GPHN: variants seen among roughly 807,000 people sequenced by gnomAD.
The protein encoded by GPHN is gephyrin.
GPHN carries 17 observed loss-of-function variants against 95.5 expected under a neutral mutation model. That is an observed-to-expected ratio of 0.18 (90% CI 0.12 to 0.27). The LOEUF (loss-of-function observed/expected upper bound fraction) is 0.27. GPHN is among the 10% of genes least tolerant of loss of function. GPHN has a pLI of 1.00. For missense variants in GPHN, 660 were observed against 978.1 expected (o/e 0.67, Z 4.34); for synonymous variants, 320 against 322.5 (o/e 0.99, Z 0.08).
At chr14:67,437,523 T>G in the GPHN span, among the ~76,000 whole-genome samples, 4 of 152,092 alleles carry the variant, frequency 2.6e-5, no homozygotes, top group Non-Finnish European at 5.9e-5. Flanking sequence ...CGGTCTGATT[T>G]CAATGTCCAA....
intron 18 of GPHN, among the ~76,000 whole-genome samples, chr14:67,152,391 A>G (rs1241469060): frequency 6.6e-6 from 1 of 152,232 alleles, no homozygotes; most frequent in Non-Finnish European, 1.5e-5. Context: ...AAAATCTTAC[A>G]TATTTGCCTA....
At chr14:66,788,802 G>A (rs746511808) in intron 3 of GPHN, among the ~76,000 whole-genome samples, 22 of 152,036 alleles carry the variant, frequency 1.4e-4, no homozygotes, top group Admixed American at 2.6e-4. Context: ...AATTACAGGC[G>A]CCCGCCACCA....
the GPHN span, among the ~76,000 whole-genome samples, chr14:67,304,536 G>C: frequency 6.6e-6 from 1 of 152,194 alleles, no homozygotes; most frequent in African/African-American, 2.4e-5. Flanking sequence ...AAGGAAGCCA[G>C]TCACAAAAGG....
At chr14:67,734,822 C>A in the GPHN span, among the ~76,000 whole-genome samples, 2 of 152,192 alleles carry the variant, frequency 1.3e-5, no homozygotes, top group African/African-American at 4.8e-5. Context: ...CTGCGTTATC[C>A]CCATCTCCTT....
the GPHN span, among the ~76,000 whole-genome samples, chr14:67,280,798 T>TCCTC: frequency 4.6e-5 from 4 of 86,336 alleles, no homozygotes. Context: ...GCAGTTTCCT[T>TCCTC]CCTTCCTTCC....
intron 18 of GPHN, among the ~76,000 whole-genome samples, chr14:67,151,485 A>G (rs1462018382): frequency 6.6e-6 from 1 of 152,240 alleles, no homozygotes; most frequent in Non-Finnish European, 1.5e-5. Flanking sequence ...TCCTGCCACA[A>G]GGGGCAATAC....
intron 1 of GPHN, among the ~76,000 whole-genome samples, chr14:66,550,392 A>C (rs2059767181): frequency 6.6e-6 from 1 of 152,254 alleles, no homozygotes; most frequent in Non-Finnish European, 1.5e-5. Context: ...GAATTGCTGC[A>C]GTCTCATGAT....
chr14:66,802,278 A>T (rs573569456), intron 3 of GPHN, among the ~76,000 whole-genome samples: 1 of 152,106 alleles, frequency 6.6e-6, no homozygotes, highest in South Asian at 2.1e-4. Flanking sequence ...CTGCCATTCT[A>T]CCTCAGATAT....
the GPHN span, among the ~76,000 whole-genome samples, chr14:67,318,154 A>G: frequency 2.0e-5 from 3 of 152,246 alleles, no homozygotes; most frequent in African/African-American, 7.2e-5. Flanking sequence ...CATTAGAAGC[A>G]ACCCAAATAA....
intron 4 of GPHN, among the ~76,000 whole-genome samples, chr14:66,873,436 G>A (rs2063525045): frequency 6.6e-6 from 1 of 152,168 alleles, no homozygotes; most frequent in African/African-American, 2.4e-5. Context: ...CTGGAAAGGG[G>A]GCTGAAGCCA....
chr14:67,082,261 A>G (rs1466884598), intron 11 of GPHN, among the ~76,000 whole-genome samples: 1 of 152,096 alleles, frequency 6.6e-6, no homozygotes, highest in African/African-American at 2.4e-5. Flanking sequence ...TGTTTGTGTC[A>G]TCTGTGATTT....
chr14:67,203,320 G>A, the GPHN span: 91 of 1,528,316 alleles, frequency 6.0e-5, no homozygotes, highest in Non-Finnish European at 7.9e-5. Context: ...AGAGGTTAAA[G>A]ATCTCTCAGA....
the GPHN span, among the ~76,000 whole-genome samples, chr14:67,283,271 G>A: frequency 1.3e-5 from 2 of 152,114 alleles, no homozygotes; most frequent in Admixed American, 1.3e-4. Flanking sequence ...CATATTTTTT[G>A]TCAGATGTCT....
At chr14:66,546,747 CAGAGGGAGACCGTGGAAAGAGAGGG>C (rs1432456863) in intron 1 of GPHN, among the ~76,000 whole-genome samples, 10 of 134,954 alleles carry the variant, frequency 7.4e-5, no homozygotes, top group Middle Eastern at 4.2e-3. Context: ...AGCTCGGTAT[CAGAGGGAGACCGTGGAAAGAGAGGG>C]AGAGGGAGAC....
intron 1 of GPHN, among the ~76,000 whole-genome samples, chr14:66,549,140 C>T (rs986211873): frequency 4.6e-5 from 7 of 152,028 alleles, no homozygotes; most frequent in Admixed American, 6.5e-5. Flanking sequence ...AAAATTTTTA[C>T]ATTAGAATGT....
intron 5 of GPHN, among the ~76,000 whole-genome samples, chr14:66,912,097 GTAGA>G (rs1430919483): frequency 6.6e-6 from 1 of 152,022 alleles, no homozygotes; most frequent in Non-Finnish European, 1.5e-5. Flanking sequence ...ACTCTCCACT[GTAGA>G]TAAAGACTGA....
chr14:66,585,303 C>T (rs537466750), intron 1 of GPHN, among the ~76,000 whole-genome samples: 54 of 152,114 alleles, frequency 3.5e-4, no homozygotes, highest in Middle Eastern at 3.4e-3. Flanking sequence ...GTCTTGCTAG[C>T]GGTCTATCAA....
At chr14:67,143,145 C>A in intron 17 of GPHN, 1 of 497,462 alleles carries the variant, frequency 2.0e-6, no homozygotes. Flanking sequence ...GTGAAATCGC[C>A]AGTAGCCACT....
chr14:66,640,579 C>T (rs1396577530), intron 1 of GPHN, among the ~76,000 whole-genome samples: 2 of 152,104 alleles, frequency 1.3e-5, no homozygotes, highest in African/African-American at 4.8e-5. Flanking sequence ...TATTGTTATA[C>T]TATGAAATGT....
Sources: gnomAD v4.1 joint callset for allele counts (sites outside exome capture counted in the v4.1 genomes callset) on GRCh38, gnomAD v4.1.1 for gene constraint, MANE v1.5 for transcripts, NCBI Gene and HGNC (gene_info 2026-07-23, HGNC 2026-07-21) for gene names.